Variants in LRRC56 observed in about 807,000 individuals in gnomAD.
The protein encoded by LRRC56 is leucine rich repeat containing 56.
Under a neutral mutation model 47.8 loss-of-function variants are expected in LRRC56, and 41 were observed. The observed-to-expected ratio is 0.86, with a 90% CI of 0.67 to 1.11. LRRC56 has a LOEUF of 1.11. LRRC56 is among the 50% of genes most tolerant of loss of function. LRRC56 has a pLI of 0.00. For missense variants in LRRC56, 759 were observed against 704.2 expected (o/e 1.08, Z -0.88); for synonymous variants, 387 against 311.2 (o/e 1.24, Z -2.56).
intron 6 of LRRC56, among the ~76,000 whole-genome samples, chr11:549,063 C>T (rs1852233085): frequency 6.6e-6 from 1 of 152,176 alleles, no homozygotes; most frequent in Admixed American, 6.5e-5. Flanking sequence ...AAGGACGGAC[C>T]ACCGGGAATG....
At chr11:522,133 T>G in the LRRC56 span, among the ~76,000 whole-genome samples, 1 of 152,208 alleles carries the variant, frequency 6.6e-6, no homozygotes, top group East Asian at 1.9e-4. Flanking sequence ...CAGGCTGGAG[T>G]GCAGTGGTAC....
chr11:549,235 C>T (rs1291785326), intron 6 of LRRC56, among the ~76,000 whole-genome samples: 1 of 152,226 alleles, frequency 6.6e-6, no homozygotes, highest in East Asian at 1.9e-4. Context: ...CCTGTGAGCT[C>T]AGGTGGCCCT....
chr11:533,964 A>G, upstream of LRRC56: 1 of 1,607,412 alleles, frequency 6.2e-7, no homozygotes, highest in South Asian at 1.1e-5. Flanking sequence ...GACAGGGCTC[A>G]GGGACCCCCT....
At chr11:522,600 A>G in the LRRC56 span, among the ~76,000 whole-genome samples, 2 of 151,730 alleles carry the variant, frequency 1.3e-5, no homozygotes, top group South Asian at 2.1e-4. Context: ...GAGTTTCACC[A>G]TGTTGCCCAG....
chr11:549,780 C>T (rs1852278265), intron 6 of LRRC56, 122 bp from the exon 7 acceptor site: 4 of 744,400 alleles, frequency 5.4e-6, no homozygotes, highest in Non-Finnish European at 8.9e-6. Flanking sequence ...AGAGCCCCTT[C>T]CTCAGTCTAG....
the LRRC56 span, among the ~76,000 whole-genome samples, chr11:522,169 C>T: frequency 6.6e-6 from 1 of 152,072 alleles, no homozygotes; most frequent in African/African-American, 2.4e-5. Context: ...CAGTCTCAAC[C>T]GCCTGGGTTC....
chr11:548,615 G>A (rs560242462), intron 6 of LRRC56, among the ~76,000 whole-genome samples: 9 of 152,210 alleles, frequency 5.9e-5, no homozygotes, highest in South Asian at 2.1e-4. Flanking sequence ...CCGCCACCAC[G>A]CCTGGCTAAT....
chr11:518,493 T>A, the LRRC56 span, among the ~76,000 whole-genome samples: 3 of 151,986 alleles, frequency 2.0e-5, no homozygotes, highest in African/African-American at 4.8e-5. Flanking sequence ...GCTTTTTAAA[T>A]TTTTTTTGTA....
At chr11:533,309 G>T, upstream of LRRC56, 1 of 1,600,524 alleles carries the variant, frequency 6.2e-7, no homozygotes. Flanking sequence ...CATGGGTCCC[G>T]GGGGGTCCCA....
At chr11:543,276 G>A (rs1851897878) in intron 5 of LRRC56, among the ~76,000 whole-genome samples, 1 of 151,516 alleles carries the variant, frequency 6.6e-6, no homozygotes, top group South Asian at 2.1e-4. Context: ...GTGCAGTGGT[G>A]CAATCTTGGC....
At chr11:533,460 G>C (rs1851235958), upstream of LRRC56, 1 of 1,613,320 alleles carries the variant, frequency 6.2e-7, no homozygotes, top group Non-Finnish European at 8.5e-7. Flanking sequence ...CACCTGCCGG[G>C]TCTTGGCCGA....
chr11:533,176 C>T (rs1851211667), upstream of LRRC56: 3 of 1,104,894 alleles, frequency 2.7e-6, no homozygotes, highest in Admixed American at 2.5e-5. Context: ...TCCCCAAGGA[C>T]CTCCGCCTTC....
intron 2 of LRRC56, 45 bp from the exon 3 acceptor site, chr11:539,534 GC>G (rs1851685939): frequency 6.7e-6 from 1 of 149,340 alleles, no homozygotes; most frequent in Non-Finnish European, 1.5e-5. Flanking sequence ...ACAGGCACCT[GC>G]CACCACGCCA....
chr11:551,733 G>A lies in LRRC56; in HGVS notation c.879G>A (p.Trp293Ter). The A allele has an allele frequency of 6.2e-7, 1 of 1,611,568 alleles. No homozygotes were observed. The highest frequency in any genetic ancestry group is 8.5e-7 in the Non-Finnish European group (1 of 1,179,320). ...CGCAGTCCCGGGCCTCCAGGCCCTG[G>A]CCCTTCTCCCTGCTGGTCCGTGGGG... ...PETQSRASRP[W>*]PFSLLVRGGP... Residue 293 changes from tryptophan (W) to a stop codon, truncating the protein, a stop_gained, in exon 10 of 14, where the codon TGG (tryptophan) becomes TGA (stop). Coordinates refer to ENST00000270115, the MANE Select transcript of LRRC56 (RefSeq NM_198075.4). LOFTEE classifies it high-confidence loss of function.
the LRRC56 span, among the ~76,000 whole-genome samples, chr11:525,914 G>A: frequency 1.3e-5 from 2 of 150,682 alleles, no homozygotes; most frequent in Non-Finnish European, 1.5e-5. Flanking sequence ...TAAATAAATA[G>A]GCCAGGCGCG....
At chr11:533,734 G>A (rs757406884), upstream of LRRC56, 77 of 1,612,130 alleles carry the variant, frequency 4.8e-5, no homozygotes, top group East Asian at 1.6e-3. Context: ...CCTGTGCGGC[G>A]TGGGCTCCCG....
the LRRC56 span, among the ~76,000 whole-genome samples, chr11:507,631 C>T: frequency 6.6e-6 from 1 of 152,154 alleles, no homozygotes; most frequent in Admixed American, 6.5e-5. Flanking sequence ...CTTGCTGGGG[C>T]GCGGGGCGCG....
the LRRC56 span, among the ~76,000 whole-genome samples, chr11:528,247 C>G: frequency 2.0e-5 from 3 of 152,220 alleles, no homozygotes; most frequent in South Asian, 6.2e-4. Flanking sequence ...CTCCATCACT[C>G]CATCGTAAGG....
chr11:551,175 T>A lies in LRRC56; in HGVS notation c.669T>A (p.Ile223=), dbSNP rs1158809031. The change falls in exon 9 of 14, where the codon ATT becomes ATA. Residue 223 remains isoleucine, a synonymous_variant. Coordinates refer to ENST00000270115, the MANE Select transcript of LRRC56 (RefSeq NM_198075.4). ...YNYRAEVRKL[I]PQLQVLDEVP... Reference sequence around the variant, plus strand: ...ACAGGGCAGAGGTGAGGAAGCTCATTCCCCAGCTGCAGGTCCTGGACGAAG... The same window carrying A: ...ACAGGGCAGAGGTGAGGAAGCTCATACCCCAGCTGCAGGTCCTGGACGAAG... 3.2e-6 allele frequency: 5 copies of A among 1,542,908 alleles called. No homozygotes were observed. The highest frequency in any genetic ancestry group is 2.7e-5 in the African/African-American group (2 of 72,774).
Sources: gnomAD v4.1 joint callset for allele counts (sites outside exome capture counted in the v4.1 genomes callset) on GRCh38, gnomAD v4.1.1 for gene constraint, MANE v1.5 for transcripts, NCBI Gene and HGNC (gene_info 2026-07-23, HGNC 2026-07-21) for gene names.